MAN1A1: variants seen among roughly 807,000 people sequenced by gnomAD.
The protein encoded by MAN1A1 is mannosidase alpha class 1A member 1.
In MAN1A1, 29 loss-of-function variants were observed where a neutral mutation model predicts 70.8. The ratio of observed to expected loss-of-function variants is 0.41; its 90% CI spans 0.31 to 0.56. The LOEUF (loss-of-function observed/expected upper bound fraction) is 0.56. MAN1A1 is among the 20% of genes least tolerant of loss of function. The pLI is 0.29. For missense variants in MAN1A1, 747 were observed against 841.3 expected, an observed-to-expected ratio of 0.89 and a Z score of 1.39; for synonymous variants, 349 against 330.1, an observed-to-expected ratio of 1.06 and a Z score of -0.62.
chr6:119,301,170 T>C (rs1314152669), intron 4 of MAN1A1, among the ~76,000 whole-genome samples: 1 of 152,202 alleles, frequency 6.6e-6, no homozygotes, highest in Non-Finnish European at 1.5e-5. Context: ...TTCTGCAAAG[T>C]AGTCTCAGAT....
chr6:119,256,211 G>A (rs867255218), intron 5 of MAN1A1, among the ~76,000 whole-genome samples: 28 of 152,018 alleles, frequency 1.8e-4, no homozygotes, highest in African/African-American at 6.8e-4. Flanking sequence ...TTAAACAAAG[G>A]AAAACACTTC....
chr6:119,207,436 T>G (rs1208346845), intron 6 of MAN1A1, among the ~76,000 whole-genome samples: 1 of 152,248 alleles, frequency 6.6e-6, no homozygotes, highest in Non-Finnish European at 1.5e-5. Context: ...ACGGTTCTAC[T>G]GGCTCTTTAT....
At chr6:119,249,109 G>A (rs554560040) in intron 5 of MAN1A1, among the ~76,000 whole-genome samples, 4 of 152,220 alleles carry the variant, frequency 2.6e-5, no homozygotes, top group African/African-American at 9.6e-5. Context: ...ACCACAGACC[G>A]GAGTGAAGAT....
chr6:119,258,072 T>C (rs769119155), intron 5 of MAN1A1, among the ~76,000 whole-genome samples: 34 of 152,200 alleles, frequency 2.2e-4, no homozygotes, highest in Non-Finnish European at 4.9e-4. Context: ...ATGGGAATTA[T>C]GAAAGCACAC....
At position 119,348,572 on chromosome 6, in the gene MAN1A1, T is replaced by A. The variant is rs746576279; in HGVS notation, c.494A>T (p.Lys165Met). Residue 165 changes from lysine (K) to methionine (M), a missense_variant, in exon 2 of 13, where the codon AAG becomes ATG. Lys to Met is a moderately conservative substitution (Grantham distance 95). Around this residue, in one of 2 missense-constraint regions of MAN1A1, gnomAD observed 328 missense variants for 293.1 expected, o/e 1.12. Coordinates refer to ENST00000368468, the MANE Select transcript of MAN1A1 (RefSeq NM_005907.4). ...CGGGGGCAGGCCTCTGAACGGCGCC[T>A]TGTCACGCAGCTGGTCCTGGGCCAC... ...KKVAQDQLRD[K>M]APFRGLPPVD... The A allele has an allele frequency of 2.5e-6, 4 of 1,613,754 alleles. No homozygotes were observed. The East Asian group carries it at 6.7e-5, about 27-fold the overall frequency.
intron 7 of MAN1A1, among the ~76,000 whole-genome samples, chr6:119,201,654 C>T (rs907079273): frequency 6.6e-6 from 1 of 152,064 alleles, no homozygotes; most frequent in African/African-American, 2.4e-5. Flanking sequence ...GTCATGTGTC[C>T]CTTAATGACA....
intron 9 of MAN1A1, among the ~76,000 whole-genome samples, chr6:119,191,947 T>C (rs1278546247): frequency 6.6e-6 from 1 of 151,980 alleles, no homozygotes; most frequent in Admixed American, 6.6e-5. Context: ...AACAGAAATT[T>C]AGTTGTTCTA....
Position 119,199,094 on chromosome 6 carries a change from A to C in MAN1A1, c.1210+2160T>G, listed in dbSNP as rs560179361. Among the ~76,000 whole-genome samples the C allele has an allele frequency of 1.9e-4, 29 of 152,348 alleles. No homozygotes were observed. In the East Asian group the frequency reaches 5.4e-3, roughly 28 times the overall value. ...CTCACTGAACTATGCAGATCTTTCA[A>C]ATATTGACCCATTCCATTATACAAT... On this transcript the variant is annotated intron_variant, in intron 8 of 12. Transcript: ENST00000368468.
intron 2 of MAN1A1, among the ~76,000 whole-genome samples, chr6:119,347,632 G>C (rs931882881): frequency 6.6e-6 from 1 of 152,190 alleles, no homozygotes; most frequent in Admixed American, 6.5e-5. Flanking sequence ...GGGTTCTAGA[G>C]CTCTGGGCCC....
In MAN1A1 at chr6:119,188,374, T is replaced by C. The variant is rs769279754; in HGVS notation, c.1719+31A>G. On this transcript the variant is annotated intron_variant, in intron 11 of 12. Transcript: ENST00000368468. ...TGAACATTTTTTACTATGAAATTTA[T>C]CTATAAGAAACATGCAAATTAAAAC... 30 of 1,550,118 alleles carry C rather than the reference T, an allele frequency of 1.9e-5. No homozygotes were observed. The Middle Eastern group carries it at 7.6e-4, about 39-fold the overall frequency.
At chr6:119,200,951 T>C (rs1773697195) in intron 8 of MAN1A1, among the ~76,000 whole-genome samples, 1 of 152,208 alleles carries the variant, frequency 6.6e-6, no homozygotes, top group South Asian at 2.1e-4. Flanking sequence ...ATTTCCTTTC[T>C]ATCCACATGA....
At chr6:119,198,127 G>A (rs969263568) in intron 8 of MAN1A1, among the ~76,000 whole-genome samples, 1 of 152,184 alleles carries the variant, frequency 6.6e-6, no homozygotes, top group Non-Finnish European at 1.5e-5. Context: ...CGTGGCTCAC[G>A]CCTGTAATTC....
chr6:119,330,642 AAAC>A (rs1413069396), intron 2 of MAN1A1, among the ~76,000 whole-genome samples: 5 of 152,122 alleles, frequency 3.3e-5, no homozygotes, highest in African/African-American at 1.2e-4. Flanking sequence ...GATAAAGTCT[AAAC>A]ACCTGGTCAG....
intron 5 of MAN1A1, among the ~76,000 whole-genome samples, chr6:119,252,287 G>C (rs190776606): frequency 1.3e-5 from 2 of 152,252 alleles, no homozygotes; most frequent in East Asian, 3.9e-4. Flanking sequence ...TAATTTTAAT[G>C]GGCATTTCTC....
rs149526476 is a variant in MAN1A1 at position 119,191,224 on chromosome 6, A to C, written c.1327-1341T>G. Among the ~76,000 whole-genome samples, 293 of 152,304 alleles carry C rather than the reference A, an allele frequency of 1.9e-3. 1 individual carries two copies. The highest frequency in any genetic ancestry group is 6.6e-3 in the African/African-American group (275 of 41,564). ...GCGACTGAACATCTTAGCTATTTAT[A>C]CTTCTCATAACACAAATTGCAATAA... On this transcript the variant is annotated intron_variant, in intron 9 of 12. Coordinates refer to ENST00000368468, the MANE Select transcript of MAN1A1 (RefSeq NM_005907.4).
chr6:119,201,176 G>A (rs1773703485), intron 8 of MAN1A1, 78 bp downstream of exon 8: 1 of 1,035,946 alleles, frequency 9.7e-7, no homozygotes, highest in African/African-American at 1.6e-5. Context: ...AACAAAATCT[G>A]TGCTGCTTTT....
intron 5 of MAN1A1, among the ~76,000 whole-genome samples, chr6:119,281,917 C>T (rs1776234173): frequency 6.6e-6 from 1 of 151,746 alleles, no homozygotes; most frequent in Non-Finnish European, 1.5e-5. Flanking sequence ...AAAAAATTAG[C>T]CGGGCATGGT....
chr6:119,196,200 T>C (rs1414339142), intron 8 of MAN1A1, among the ~76,000 whole-genome samples: 1 of 152,130 alleles, frequency 6.6e-6, no homozygotes, highest in East Asian at 1.9e-4. Flanking sequence ...AGAAGCAAGT[T>C]TGAGCAGCTG....
intron 7 of MAN1A1, among the ~76,000 whole-genome samples, chr6:119,201,793 T>C (rs1029841053): frequency 6.6e-6 from 1 of 152,232 alleles, no homozygotes. Context: ...GTTACTGTAC[T>C]GAAGTATTTG....
Sources: allele counts gnomAD v4.1 joint callset (sites outside exome capture counted in the v4.1 genomes callset), GRCh38; gene constraint gnomAD v4.1.1; regional missense constraint gnomAD v4.1.1; transcripts MANE v1.5; gene names NCBI Gene and HGNC (gene_info 2026-07-23, HGNC 2026-07-21).